SCARB1: variants seen among roughly 807,000 people sequenced by gnomAD.
SCARB1 encodes scavenger receptor class B member 1, also known as CD36 and LIMPII analogous 1.
In SCARB1, 30 loss-of-function variants were observed where a neutral mutation model predicts 57.2. The ratio of observed to expected loss-of-function variants is 0.52; its 90% CI spans 0.39 to 0.71. The LOEUF (loss-of-function observed/expected upper bound fraction) is 0.71. Ranked by LOEUF, SCARB1 falls within the 30% of genes least tolerant of loss-of-function variation. SCARB1 has a pLI of 0.00. For missense variants in SCARB1, 543 were observed against 671.2 expected (o/e 0.81, Z 2.11); for synonymous variants, 249 against 268.3 (o/e 0.93, Z 0.70).
chr12:124,849,668 A>G (rs1177067669), intron 1 of SCARB1, among the ~76,000 whole-genome samples: 2 of 152,226 alleles, frequency 1.3e-5, no homozygotes, highest in South Asian at 2.1e-4. Flanking sequence ...TCTGCTACCT[A>G]CAGAATTTGG....
chr12:124,839,147 C>T (rs1306654220), intron 1 of SCARB1: 2 of 435,320 alleles, frequency 4.6e-6, no homozygotes, highest in Admixed American at 5.1e-5. Flanking sequence ...TTATCAGCAA[C>T]ATCCATCTAA....
chr12:124,802,372 G>A (rs918021239), intron 7 of SCARB1, among the ~76,000 whole-genome samples: 1 of 152,126 alleles, frequency 6.6e-6, no homozygotes, highest in South Asian at 2.1e-4. Flanking sequence ...GAGGAAAAGA[G>A]CATGGACCCA....
chr12:124,814,002 C>T lies in SCARB1; in HGVS notation c.630+200G>A, dbSNP rs376364593. The stretch of plus-strand genomic sequence containing the variant: ...GGATCAAGCTGTACCTGAATCCAAC[C>T]CTAGCATTTTCAGTTCTATGAGCCC... On this transcript the variant is annotated intron_variant, in intron 4 of 12. Transcript: ENST00000261693. This position sits in a 1 kb window ranked among gnomAD's most constrained non-coding sequence, Gnocchi z 4.7. 2.1e-4 allele frequency among the ~76,000 whole-genome samples: 32 copies of T among 152,266 alleles called. No individual in the cohort carries two copies. The highest frequency in any genetic ancestry group is 7.0e-4 in the African/African-American group (29 of 41,536).
chr12:124,787,412 A>C lies in SCARB1; in HGVS notation c.1248T>G (p.Phe416Leu). The C allele has an allele frequency of 6.2e-7, 1 of 1,613,836 alleles. No homozygotes were observed. Among genetic ancestry groups the C allele is most frequent in the Non-Finnish European group, 8.5e-7 (1 of 1,179,936 alleles). Reference protein sequence around the residue: ...IEPVVLPLLWFAESGAMEGET... With the variant: ...IEPVVLPLLWLAESGAMEGET... Reference sequence around the variant, plus strand: ...GTGCCCAACGCACCCTTACCTCTGCAAACCAGAGCAGCGGCAGGACCACAG... The same window carrying C: ...GTGCCCAACGCACCCTTACCTCTGCCAACCAGAGCAGCGGCAGGACCACAG... The change falls in exon 10 of 13, where the codon TTT (phenylalanine) becomes TTG (leucine). Residue 416 changes from phenylalanine to leucine, a missense_variant. Transcript: ENST00000261693.
chr12:124,793,139 C>T (rs1184242784), intron 9 of SCARB1, among the ~76,000 whole-genome samples: 1 of 152,190 alleles, frequency 6.6e-6, no homozygotes, highest in Non-Finnish European at 1.5e-5. Flanking sequence ...AGTTATTACT[C>T]GCTGCCGTGC....
At chr12:124,798,568 C>T (rs375852104) in intron 8 of SCARB1, among the ~76,000 whole-genome samples, 11 of 152,142 alleles carry the variant, frequency 7.2e-5, no homozygotes, top group Non-Finnish European at 1.3e-4. Context: ...TCAGGCCAGG[C>T]GTAGTGGCTC....
rs372702632 is a variant in SCARB1, at chr12:124,828,015, G to A, written c.127-10308C>T. ...GGAGCTCTGTAAATATTTTCTGGGTGAATGAGCAAAAGTGAGACCTGAAAC... is the reference window on the plus strand; with the variant it reads ...GGAGCTCTGTAAATATTTTCTGGGTAAATGAGCAAAAGTGAGACCTGAAAC... On this transcript the variant is annotated intron_variant, in intron 1 of 12. Coordinates refer to ENST00000261693, the MANE Select transcript of SCARB1 (RefSeq NM_005505.5). 5.9e-5 allele frequency among the ~76,000 whole-genome samples: 9 copies of A among 152,222 alleles called. No individual in the cohort carries two copies. The East Asian group carries it at 1.7e-3, about 29-fold the overall frequency.
intron 1 of SCARB1, among the ~76,000 whole-genome samples, chr12:124,838,023 C>T (rs1344457471): frequency 1.3e-5 from 2 of 152,278 alleles, no homozygotes; most frequent in African/African-American, 4.8e-5. Flanking sequence ...TGGCCCACAG[C>T]GGCCACCTCG....
At chr12:124,787,507 C>T (rs112283473) in intron 9 of SCARB1, 50 bp from the exon 10 acceptor site, 3 of 1,538,634 alleles carry the variant, frequency 1.9e-6, no homozygotes, top group Non-Finnish European at 2.7e-6. Flanking sequence ...TACACCCAAA[C>T]TTGATCTAAT....
At chr12:124,830,029 C>A (rs1483360738) in intron 1 of SCARB1, among the ~76,000 whole-genome samples, 1 of 152,194 alleles carries the variant, frequency 6.6e-6, no homozygotes. Flanking sequence ...GAAAGCCACA[C>A]ATGAAGAAGG....
chr12:124,825,487 A>G (rs1594312518), intron 1 of SCARB1, among the ~76,000 whole-genome samples: 2 of 152,112 alleles, frequency 1.3e-5, no homozygotes, highest in Non-Finnish European at 2.9e-5. Flanking sequence ...CCGGGCCAAC[A>G]TGGTGCAACC....
intron 12 of SCARB1, 98 bp downstream of exon 12, chr12:124,782,585 G>T: frequency 8.2e-7 from 1 of 1,215,244 alleles, no homozygotes; most frequent in Non-Finnish European, 1.2e-6. Flanking sequence ...TGAAGTTGAG[G>T]CTGAAGGAAT....
intron 1 of SCARB1, among the ~76,000 whole-genome samples, chr12:124,853,836 C>T (rs532290663): frequency 2.0e-5 from 3 of 152,340 alleles, no homozygotes; most frequent in Admixed American, 2.0e-4. Flanking sequence ...TCTGGGGCGA[C>T]GGCCACGGCA....
At chr12:124,778,998 T>C (rs1209767027) in intron 12 of SCARB1, among the ~76,000 whole-genome samples, 2 of 152,208 alleles carry the variant, frequency 1.3e-5, no homozygotes, top group African/African-American at 4.8e-5. Context: ...TCGCCCAGGC[T>C]GGAGTACGGT....
chr12:124,781,751 C>A (rs1367661253), intron 12 of SCARB1, among the ~76,000 whole-genome samples: 2 of 151,336 alleles, frequency 1.3e-5, no homozygotes, highest in African/African-American at 2.4e-5. Flanking sequence ...TTAACAGGCA[C>A]CCTTCTGTTG....
intron 6 of SCARB1, among the ~76,000 whole-genome samples, chr12:124,809,271 T>C (rs557674883): frequency 3.9e-5 from 6 of 152,152 alleles, no homozygotes; most frequent in Non-Finnish European, 8.8e-5. Flanking sequence ...CATGCAACTT[T>C]TCTTTAAGTT....
intron 1 of SCARB1, among the ~76,000 whole-genome samples, chr12:124,851,026 C>T (rs1341755002): frequency 6.6e-6 from 1 of 152,192 alleles, no homozygotes; most frequent in East Asian, 1.9e-4. Context: ...CACAGCAGTC[C>T]ATTACTCGAG....
At chr12:124,809,410 T>G (rs762264093) in intron 6 of SCARB1, among the ~76,000 whole-genome samples, 8 of 151,986 alleles carry the variant, frequency 5.3e-5, no homozygotes, top group Non-Finnish European at 1.0e-4. Flanking sequence ...CATAGCGAGA[T>G]CCCCATCTCT....
At chr12:124,849,060 A>G (rs1030758421) in intron 1 of SCARB1, among the ~76,000 whole-genome samples, 3 of 152,230 alleles carry the variant, frequency 2.0e-5, no homozygotes, top group Non-Finnish European at 4.4e-5. Flanking sequence ...ATTTTACAGA[A>G]AAGTAAAAAA....
Sources: gnomAD v4.1 joint callset for allele counts (sites outside exome capture counted in the v4.1 genomes callset) on GRCh38, gnomAD v4.1.1 for gene constraint, Gnocchi (gnomAD v3.1) non-coding constraint, MANE v1.5 for transcripts, NCBI Gene and HGNC (gene_info 2026-07-23, HGNC 2026-07-21) for gene names.